The following FBXO34 variants were observed in gnomAD, a reference collection of about 807,000 sequenced individuals.
FBXO34 encodes F-box only protein 34.
A neutral mutation model predicts 24.5 loss-of-function variants in FBXO34; 12 were observed. The observed-to-expected ratio is 0.49, with a 90% CI of 0.31 to 0.79. The LOEUF is 0.79. Ranked by LOEUF, FBXO34 falls within the 30% of genes least tolerant of loss-of-function variation. The pLI is 0.04. For missense variants in FBXO34, 823 were observed against 857.7 expected (o/e 0.96, Z 0.51); for synonymous variants, 320 against 311.9 (o/e 1.03, Z -0.27).
At chr14:55,424,109 C>T in the FBXO34 span, 2 of 1,290,436 alleles carry the variant, frequency 1.5e-6, no homozygotes, top group Non-Finnish European at 2.2e-6. Context: ...AAGCAAAGCA[C>T]ATGCATAGCA....
the FBXO34 span, among the ~76,000 whole-genome samples, chr14:55,400,262 G>A: frequency 1.3e-5 from 2 of 152,020 alleles, no homozygotes; most frequent in African/African-American, 4.8e-5. Flanking sequence ...TCCAAGAGGT[G>A]AAAAATAGAG....
the FBXO34 span, among the ~76,000 whole-genome samples, chr14:55,402,890 C>G: frequency 3.6e-5 from 1 of 27,524 alleles, no homozygotes; most frequent in Non-Finnish European, 6.4e-5. Context: ...GACTCCATCT[C>G]TACAAAAAAA....
chr14:55,391,685 G>A, the FBXO34 span, among the ~76,000 whole-genome samples: 2 of 152,072 alleles, frequency 1.3e-5, no homozygotes, highest in Non-Finnish European at 2.9e-5. Flanking sequence ...CATGTCAAAT[G>A]TTTGACATCA....
the FBXO34 span, among the ~76,000 whole-genome samples, chr14:55,419,895 T>C: frequency 6.6e-6 from 1 of 152,186 alleles, no homozygotes. Context: ...GCAAGTTATT[T>C]ACCATTATTG....
At chr14:55,274,532 C>T (rs560566530) in intron 1 of FBXO34, among the ~76,000 whole-genome samples, 1 of 152,234 alleles carries the variant, frequency 6.6e-6, no homozygotes, top group Non-Finnish European at 1.5e-5. Context: ...ATTTTATTCA[C>T]TTATATAATT....
At chr14:55,363,806 A>G (rs1884625482), downstream of FBXO34, among the ~76,000 whole-genome samples, 1 of 152,158 alleles carries the variant, frequency 6.6e-6, no homozygotes, top group South Asian at 2.1e-4. Flanking sequence ...TGTGTGGCCC[A>G]AGACAATTCT....
At chr14:55,306,940 G>C (rs1422410731) in intron 1 of FBXO34, among the ~76,000 whole-genome samples, 4 of 152,198 alleles carry the variant, frequency 2.6e-5, no homozygotes, top group Admixed American at 1.3e-4. Flanking sequence ...TTGTGTAAAG[G>C]AGGAAGGGAA....
At chr14:55,424,170 A>G in the FBXO34 span, 10 of 1,612,302 alleles carry the variant, frequency 6.2e-6, no homozygotes, top group South Asian at 1.1e-4. Flanking sequence ...TGTCAACACA[A>G]CTTTTCCAGA....
At chr14:55,383,535 A>G in the FBXO34 span, among the ~76,000 whole-genome samples, 2 of 152,082 alleles carry the variant, frequency 1.3e-5, no homozygotes, top group Non-Finnish European at 2.9e-5. Context: ...TGGGTGACAA[A>G]GCGAGACTCC....
chr14:55,404,577 T>C, the FBXO34 span, among the ~76,000 whole-genome samples: 1 of 152,194 alleles, frequency 6.6e-6, no homozygotes. Flanking sequence ...AAAACTCTTT[T>C]GCATTATGAC....
intron 1 of FBXO34, among the ~76,000 whole-genome samples, chr14:55,293,863 T>TTG (rs1181164481): frequency 3.3e-5 from 5 of 151,696 alleles, no homozygotes; most frequent in East Asian, 1.9e-4. Flanking sequence ...TAGCACAGAT[T>TTG]TGTGTGTGTG....
intron 3 of FBXO34, among the ~76,000 whole-genome samples, chr14:55,359,002 C>G (rs1172448715): frequency 6.6e-6 from 1 of 151,882 alleles, no homozygotes; most frequent in Admixed American, 6.6e-5. Context: ...AAAGACATGG[C>G]AGGGAAGGAG....
At chr14:55,374,063 G>C (rs1387881618), downstream of FBXO34, among the ~76,000 whole-genome samples, 1 of 152,176 alleles carries the variant, frequency 6.6e-6, no homozygotes, top group Non-Finnish European at 1.5e-5. Context: ...GAAAACTTCA[G>C]ACCCGCTACA....
chr14:55,356,550 T>C (rs1204457058), downstream of FBXO34, among the ~76,000 whole-genome samples: 1 of 152,134 alleles, frequency 6.6e-6, no homozygotes, highest in East Asian at 1.9e-4. Flanking sequence ...TGGGTTCAAG[T>C]GATTCTTCTG....
At chr14:55,436,694 G>A in the FBXO34 span, 2 of 1,614,234 alleles carry the variant, frequency 1.2e-6, no homozygotes, top group Non-Finnish European at 1.7e-6. Flanking sequence ...TCACCAGGGT[G>A]CAGCTGTGAA....
chr14:55,315,058 C>A (rs1215075018), intron 1 of FBXO34, among the ~76,000 whole-genome samples: 1 of 152,128 alleles, frequency 6.6e-6, no homozygotes, highest in Non-Finnish European at 1.5e-5. Context: ...TTTTTGTCCC[C>A]CCATTTCCCT....
the FBXO34 span, among the ~76,000 whole-genome samples, chr14:55,427,977 G>GA: frequency 9.0e-6 from 1 of 110,850 alleles, no homozygotes; most frequent in Non-Finnish European, 2.1e-5. Context: ...CCGGGTTCAC[G>GA]CCATTCTCCT....
the FBXO34 span, among the ~76,000 whole-genome samples, chr14:55,408,195 G>T: frequency 1.3e-5 from 2 of 152,220 alleles, no homozygotes; most frequent in African/African-American, 4.8e-5. Context: ...GCTCACACCT[G>T]TAATTCCCGC....
At chr14:55,340,912 C>T (rs1003561648) in intron 1 of FBXO34, among the ~76,000 whole-genome samples, 2 of 152,182 alleles carry the variant, frequency 1.3e-5, no homozygotes, top group African/African-American at 4.8e-5. Context: ...TATTAAAGCA[C>T]TGATCAACTC....
Sources: allele counts gnomAD v4.1 joint callset (sites outside exome capture counted in the v4.1 genomes callset), GRCh38; gene constraint gnomAD v4.1.1; transcripts MANE v1.5; gene names NCBI Gene and HGNC (gene_info 2026-07-23, HGNC 2026-07-21).